DNAJC1: variants seen among roughly 807,000 people sequenced by gnomAD.
DNAJC1 encodes the protein DnaJ heat shock protein family (Hsp40) member C1.
In DNAJC1, 58 loss-of-function variants were observed where a neutral mutation model predicts 76.6. The observed-to-expected ratio is 0.76, with a 90% CI of 0.61 to 0.94. The LOEUF (loss-of-function observed/expected upper bound fraction) is 0.94. Ranked by LOEUF, DNAJC1 falls within the 40% of genes least tolerant of loss-of-function variation. The probability of loss-of-function intolerance (pLI) is 0.00; values close to 1 mark genes in which losing one functional copy is unlikely to be tolerated. For synonymous variants in DNAJC1, 258 were observed against 267.9 expected (o/e 0.96, Z 0.36); for missense variants, 689 against 677.3 (o/e 1.02, Z -0.19).
At chr10:21,791,342 A>G (rs1447131887) in intron 9 of DNAJC1, among the ~76,000 whole-genome samples, 1 of 152,154 alleles carries the variant, frequency 6.6e-6, no homozygotes, top group East Asian at 1.9e-4. Flanking sequence ...TCAGACAGGA[A>G]ATCAACAACA....
At chr10:21,928,469 A>G (rs754596280) in intron 3 of DNAJC1, 37 bp downstream of exon 3, 9 of 1,577,792 alleles carry the variant, frequency 5.7e-6, no homozygotes, top group Non-Finnish European at 7.0e-6. Flanking sequence ...GCATGAAACT[A>G]TAACATCTTA....
chr10:21,887,426 C>G (rs1836384466), intron 7 of DNAJC1, among the ~76,000 whole-genome samples: 1 of 152,016 alleles, frequency 6.6e-6, no homozygotes, highest in Non-Finnish European at 1.5e-5. Context: ...GCCTGAATAG[C>G]CAAGACAATC....
intron 3 of DNAJC1, among the ~76,000 whole-genome samples, chr10:21,926,640 T>C (rs967324317): frequency 6.6e-6 from 1 of 152,196 alleles, no homozygotes; most frequent in Non-Finnish European, 1.5e-5. Flanking sequence ...TAAATACTCA[T>C]AGGTCACCTG....
intron 1 of DNAJC1, among the ~76,000 whole-genome samples, chr10:21,940,314 T>C (rs1837385554): frequency 6.6e-6 from 1 of 152,146 alleles, no homozygotes; most frequent in African/African-American, 2.4e-5. Flanking sequence ...GGGAGAGGCT[T>C]TGGGTTTCTC....
chr10:21,982,490 C>T (rs1469760139), intron 1 of DNAJC1, among the ~76,000 whole-genome samples: 3 of 152,004 alleles, frequency 2.0e-5, no homozygotes, highest in African/African-American at 7.2e-5. Flanking sequence ...AAAATATTTG[C>T]TAATTATATA....
At chr10:21,847,813 CAT>C (rs1273679139) in intron 8 of DNAJC1, among the ~76,000 whole-genome samples, 1 of 151,798 alleles carries the variant, frequency 6.6e-6, no homozygotes, top group African/African-American at 2.4e-5. Context: ...AGTGTGTGTC[CAT>C]ATATATATGG....
At chr10:21,862,701 T>C (rs1835935818) in intron 8 of DNAJC1, among the ~76,000 whole-genome samples, 1 of 151,982 alleles carries the variant, frequency 6.6e-6, no homozygotes, top group Non-Finnish European at 1.5e-5. Flanking sequence ...AGGGCTGGGA[T>C]TACATGCATG....
At chr10:21,956,367 T>A (rs1262021823) in intron 1 of DNAJC1, among the ~76,000 whole-genome samples, 1 of 152,060 alleles carries the variant, frequency 6.6e-6, no homozygotes, top group African/African-American at 2.4e-5. Context: ...ACACATAAAC[T>A]TTCGGAAATA....
intron 2 of DNAJC1, 63 bp downstream of exon 2, chr10:21,928,977 T>A (rs1837173505): frequency 9.9e-7 from 1 of 1,006,012 alleles, no homozygotes; most frequent in South Asian, 1.7e-5. Flanking sequence ...AGTGAATATT[T>A]CTACCATCGA....
intron 8 of DNAJC1, among the ~76,000 whole-genome samples, chr10:21,839,856 C>G (rs189512432): frequency 6.6e-6 from 1 of 152,164 alleles, no homozygotes; most frequent in Admixed American, 6.6e-5. Flanking sequence ...TCCTCAGTAA[C>G]ATACTGGCAA....
chr10:21,912,523 T>C (rs1026000635), intron 6 of DNAJC1, among the ~76,000 whole-genome samples: 6 of 152,184 alleles, frequency 3.9e-5, no homozygotes, highest in Non-Finnish European at 8.8e-5. Flanking sequence ...CTGTATCCCT[T>C]TGTCCTGTAG....
intron 1 of DNAJC1, among the ~76,000 whole-genome samples, chr10:21,945,910 T>C (rs1354913491): frequency 7.5e-6 from 1 of 134,120 alleles, no homozygotes; most frequent in Non-Finnish European, 1.6e-5. Context: ...CTTAACCCTT[T>C]CTCTCCAAAC....
At chr10:21,912,871 C>T (rs1375416886) in intron 6 of DNAJC1, among the ~76,000 whole-genome samples, 1 of 152,008 alleles carries the variant, frequency 6.6e-6, no homozygotes, top group Admixed American at 6.6e-5. Flanking sequence ...GGGAGGGTGA[C>T]CTCCAGGCTT....
At chr10:21,863,475 G>T (rs1020116007) in intron 8 of DNAJC1, among the ~76,000 whole-genome samples, 3 of 151,972 alleles carry the variant, frequency 2.0e-5, no homozygotes, top group Admixed American at 6.6e-5. Flanking sequence ...ACACAGAGGA[G>T]GGAACATTTC....
chr10:21,913,818 T>G (rs1191970068), intron 6 of DNAJC1, among the ~76,000 whole-genome samples: 1 of 152,220 alleles, frequency 6.6e-6, no homozygotes, highest in Non-Finnish European at 1.5e-5. Context: ...AATTAAATTC[T>G]TGCCTCAAAG....
chr10:21,961,982 C>T (rs1837801632), intron 1 of DNAJC1, among the ~76,000 whole-genome samples: 1 of 152,100 alleles, frequency 6.6e-6, no homozygotes, highest in Admixed American at 6.5e-5. Flanking sequence ...TGGTCCTCCC[C>T]CTTATCTTCA....
At chr10:21,782,423 C>T (rs1438989215) in intron 9 of DNAJC1, among the ~76,000 whole-genome samples, 1 of 152,062 alleles carries the variant, frequency 6.6e-6, no homozygotes, top group Non-Finnish European at 1.5e-5. Context: ...AAAAAAAGTC[C>T]AGGACCAGAT....
At chr10:21,923,820 C>T (rs1228612001) in intron 3 of DNAJC1, among the ~76,000 whole-genome samples, 1 of 151,784 alleles carries the variant, frequency 6.6e-6, no homozygotes, top group Non-Finnish European at 1.5e-5. Context: ...CTAATACAAA[C>T]ACTGAAAAAC....
At chr10:21,921,319 G>C (rs1837039167) in intron 3 of DNAJC1, among the ~76,000 whole-genome samples, 1 of 151,908 alleles carries the variant, frequency 6.6e-6, no homozygotes, top group Non-Finnish European at 1.5e-5. Context: ...ACAAAAAGGA[G>C]GATCTCAATA....
Sources: allele counts gnomAD v4.1 joint callset (sites outside exome capture counted in the v4.1 genomes callset), GRCh38; gene constraint gnomAD v4.1.1; transcripts MANE v1.5; gene names NCBI Gene and HGNC (gene_info 2026-07-23, HGNC 2026-07-21).